NAALADL2: variants seen among roughly 807,000 people sequenced by gnomAD.
The protein encoded by NAALADL2 is N-acetylated alpha-linked acidic dipeptidase like 2, also known as inactive N-acetylated-alpha-linked acidic dipeptidase-like protein 2.
In NAALADL2, 76 loss-of-function variants were observed where a neutral mutation model predicts 87.2. The ratio of observed to expected loss-of-function variants is 0.87; its 90% CI spans 0.72 to 1.05. NAALADL2 has a LOEUF of 1.05. NAALADL2 is among the 50% of genes least tolerant of loss of function. NAALADL2 has a pLI of 0.00. For synonymous variants in NAALADL2, 354 were observed against 331.0 expected (o/e 1.07, Z -0.75); for missense variants, 1,089 against 945.8 (o/e 1.15, Z -1.99).
At chr3:175,066,775 G>A (rs1040287179) in intron 1 of NAALADL2, among the ~76,000 whole-genome samples, 23 of 152,104 alleles carry the variant, frequency 1.5e-4, no homozygotes, top group South Asian at 2.1e-4. Context: ...GCTTTTCAGT[G>A]TCTGGCTACA....
intron 9 of NAALADL2, among the ~76,000 whole-genome samples, chr3:175,560,458 G>A (rs999554770): frequency 1.6e-4 from 24 of 151,284 alleles, no homozygotes; most frequent in South Asian, 4.2e-4. Flanking sequence ...TTTTTATTTC[G>A]TTTCAATTTC....
chr3:175,780,033 C>T (rs1750804590), intron 13 of NAALADL2, among the ~76,000 whole-genome samples: 1 of 151,856 alleles, frequency 6.6e-6, no homozygotes. Context: ...CTCTGGGAGG[C>T]CGAGGTGGGC....
At position 175,285,476 on chromosome 3, in the gene NAALADL2, T is replaced by C. The variant is rs541271935; in HGVS notation, c.939+28946T>C. On this transcript the variant is annotated intron_variant, in intron 4 of 13. Transcript: ENST00000454872. ...TTAAGTGGCTATTTATAAGGAATAC[T>C]TTGAGCTCTTCCAAGATGAAGAAGT... Among the ~76,000 whole-genome samples, 9 of 152,310 alleles carry C rather than the reference T, an allele frequency of 5.9e-5. No individual in the cohort carries two copies. The South Asian group carries it at 1.9e-3, about 32-fold the overall frequency.
chr3:175,615,607 C>T (rs1009509946), intron 10 of NAALADL2, among the ~76,000 whole-genome samples: 2 of 151,850 alleles, frequency 1.3e-5, no homozygotes, highest in African/African-American at 4.8e-5. Context: ...TCTGTAATCC[C>T]AGCACCTTGG....
intron 1 of NAALADL2, among the ~76,000 whole-genome samples, chr3:174,993,711 A>G (rs1339200069): frequency 6.6e-6 from 1 of 152,206 alleles, no homozygotes; most frequent in African/African-American, 2.4e-5. Flanking sequence ...TAATATGTAT[A>G]GTAGCTTCCC....
intron 10 of NAALADL2, among the ~76,000 whole-genome samples, chr3:175,603,395 C>T (rs1723224315): frequency 6.6e-6 from 1 of 152,028 alleles, no homozygotes; most frequent in African/African-American, 2.4e-5. Flanking sequence ...TGTTTGAAAC[C>T]ATCACCACCA....
intron 1 of NAALADL2, among the ~76,000 whole-genome samples, chr3:174,524,009 CTT>C: frequency 6.6e-6 from 1 of 150,496 alleles, no homozygotes; most frequent in East Asian, 2.0e-4. Flanking sequence ...TTTATTTCTT[CTT>C]TTTTTTTGCT....
chr3:175,182,476 C>T (rs111429849), intron 2 of NAALADL2, among the ~76,000 whole-genome samples: 67 of 150,098 alleles, frequency 4.5e-4, no homozygotes, highest in African/African-American at 1.6e-3. Context: ...CAACCTTGTT[C>T]TCCTGGGCTC....
chr3:174,838,014 C>CAAAAAAGAAAAAAAAA (rs1333974277), intron 3 of NAALADL2, among the ~76,000 whole-genome samples: 2 of 75,140 alleles, frequency 2.7e-5, no homozygotes, highest in East Asian at 4.1e-4. Flanking sequence ...AGGACATAAC[C>CAAAAAAGAAAAAAAAA]AAAAAAGAAA....
intron 1 of NAALADL2, among the ~76,000 whole-genome samples, chr3:174,530,285 C>T (rs1187092520): frequency 1.3e-5 from 2 of 152,144 alleles, no homozygotes; most frequent in African/African-American, 4.8e-5. Flanking sequence ...TGCTCCAGTT[C>T]CCAACAAGTT....
intron 4 of NAALADL2, 147 bp from the exon 5 acceptor site, chr3:175,324,028 C>CAAAAAAAAAAAAAAAAAAAAAAAAAAAAA (rs372517580): frequency 5.0e-5 from 22 of 436,796 alleles, no homozygotes; most frequent in East Asian, 1.3e-4. Flanking sequence ...AAAAAACAAA[C>CAAAAAAAAAAAAAAAAAAAAAAAAAAAAA]AAAAAAAAAA....
At chr3:175,364,782 T>C (rs1158805494) in intron 5 of NAALADL2, among the ~76,000 whole-genome samples, 1 of 147,772 alleles carries the variant, frequency 6.8e-6, no homozygotes, top group Non-Finnish European at 1.5e-5. Flanking sequence ...TAAATTTGTG[T>C]TTGTGTCAGT....
intron 11 of NAALADL2, among the ~76,000 whole-genome samples, chr3:175,644,535 T>G (rs1024558652): frequency 6.6e-6 from 1 of 152,170 alleles, no homozygotes; most frequent in Non-Finnish European, 1.5e-5. Context: ...AAAGCTACAC[T>G]ACATATCAAG....
At chr3:175,459,524 G>C (rs1445760234) in intron 6 of NAALADL2, among the ~76,000 whole-genome samples, 1 of 150,038 alleles carries the variant, frequency 6.7e-6, no homozygotes, top group Admixed American at 6.6e-5. Context: ...GAGAGAAAAT[G>C]GTCAAAAAAG....
intron 2 of NAALADL2, among the ~76,000 whole-genome samples, chr3:174,567,346 C>T (rs143405708): frequency 4.6e-4 from 70 of 151,174 alleles, no homozygotes; most frequent in East Asian, 1.9e-3. Context: ...ATTTTTAATA[C>T]GCAGCAGTTT....
intron 2 of NAALADL2, among the ~76,000 whole-genome samples, chr3:175,203,696 G>T (rs1740407432): frequency 7.8e-6 from 1 of 128,906 alleles, no homozygotes; most frequent in African/African-American, 2.5e-5. Context: ...TAGACCTTTA[G>T]CAAGATTAAC....
At chr3:174,812,144 GT>G (rs916592259) in intron 3 of NAALADL2, among the ~76,000 whole-genome samples, 4 of 151,952 alleles carry the variant, frequency 2.6e-5, no homozygotes, top group East Asian at 1.9e-4. Flanking sequence ...CAGTCTCAGT[GT>G]TTTTTTTAAT....
At chr3:175,501,929 A>G (rs1287547650) in intron 9 of NAALADL2, among the ~76,000 whole-genome samples, 1 of 152,154 alleles carries the variant, frequency 6.6e-6, no homozygotes, top group Non-Finnish European at 1.5e-5. Context: ...ACTATCATGG[A>G]AACCAAGAAG....
intron 6 of NAALADL2, among the ~76,000 whole-genome samples, chr3:175,454,974 A>C (rs1311483358): frequency 6.6e-6 from 1 of 152,122 alleles, no homozygotes; most frequent in Non-Finnish European, 1.5e-5. Flanking sequence ...GGTAGAGCAA[A>C]ACAGAAAAGG....
Sources: gnomAD v4.1 joint callset for allele counts (sites outside exome capture counted in the v4.1 genomes callset) on GRCh38, gnomAD v4.1.1 for gene constraint, MANE v1.5 for transcripts, NCBI Gene and HGNC (gene_info 2026-07-23, HGNC 2026-07-21) for gene names.